The following ENDOV variants were observed in gnomAD, a reference collection of about 807,000 sequenced individuals.
ENDOV encodes hEndoV.
A neutral mutation model predicts 39.4 loss-of-function variants in ENDOV; 37 were observed. The ratio of observed to expected loss-of-function variants is 0.94; its 90% confidence interval spans 0.72 to 1.23. The LOEUF is 1.23. ENDOV is among the 50% of genes most tolerant of loss of function. ENDOV has a pLI of 0.00. For missense variants in ENDOV, 441 were observed against 375.7 expected (o/e 1.17, Z -1.44); for synonymous variants, 186 against 163.4 (o/e 1.14, Z -1.05).
At chr17:80,428,242 A>G (rs914127690) in intron 7 of ENDOV, among the ~76,000 whole-genome samples, 22 of 152,240 alleles carry the variant, frequency 1.4e-4, no homozygotes, top group African/African-American at 4.3e-4. Flanking sequence ...CAGAGCCTAC[A>G]GGGAAGCACA....
Position 80,421,859 on chromosome 17 carries a change from TCA to T in ENDOV, c.263_264del (p.Thr88SerfsTer152), listed in dbSNP as rs1182691977. On this transcript the variant is annotated frameshift_variant, in exon 3 of 10. Transcript: ENST00000518137. LOFTEE classifies it high-confidence loss of function. ...TATGAGGAGAGCCGCATGGTCAGCC[TCA>T]CAGCCCCCTACGTGTCGGGCTTCCT... The T allele has an allele frequency of 5.6e-6, 9 of 1,603,454 alleles. No homozygotes were observed. The highest frequency in any genetic ancestry group is 7.7e-6 in the Non-Finnish European group (9 of 1,175,704).
At chr17:80,432,255 C>G (rs1460305359) in intron 9 of ENDOV, among the ~76,000 whole-genome samples, 2 of 152,056 alleles carry the variant, frequency 1.3e-5, no homozygotes, top group South Asian at 2.1e-4. Flanking sequence ...CGGTACACTC[C>G]TAATAAATGG....
intron 2 of ENDOV, among the ~76,000 whole-genome samples, chr17:80,419,040 G>C (rs895939057): frequency 6.6e-6 from 1 of 151,998 alleles, no homozygotes; most frequent in Non-Finnish European, 1.5e-5. Flanking sequence ...GGGCATGGTG[G>C]CGGGCACCTG....
chr17:80,427,490 C>T (rs2082851729), intron 7 of ENDOV: 1 of 985,476 alleles, frequency 1.0e-6, no homozygotes, highest in Non-Finnish European at 1.2e-6. Context: ...AAAGAGCCTG[C>T]CAAATCCTGG....
At chr17:80,428,389 A>T (rs552600172) in intron 7 of ENDOV, 67 of 583,818 alleles carry the variant, frequency 1.1e-4, no homozygotes, top group African/African-American at 1.0e-3. Flanking sequence ...GAGAGCTGCC[A>T]TTGCGGGGCT....
At chr17:80,426,558 G>A (rs1159886427) in intron 7 of ENDOV, among the ~76,000 whole-genome samples, 1 of 152,230 alleles carries the variant, frequency 6.6e-6, no homozygotes, top group East Asian at 1.9e-4. Flanking sequence ...GGCTGAGGCG[G>A]GAGGATCACC....
chr17:80,429,744 T>C (rs1404107658), intron 8 of ENDOV, 29 bp from the exon 9 acceptor site: 1 of 1,586,772 alleles, frequency 6.3e-7, no homozygotes, highest in Admixed American at 1.8e-5. Context: ...TAGCATCTGA[T>C]GCTGTCCCTT....
rs1464839199 is a variant in ENDOV, at chr17:80,421,959, C to T, written c.360C>T (p.Pro120=). Residue 120 remains proline (P), a synonymous_variant, in exon 3 of 10, where the codon CCC becomes CCT. Transcript: ENST00000518137. ...GGGAGAAGGAGCCGGGCCTCATGCC[C>T]CAGGCAGGTGTCTCATCCCTAGGAC... ...QLREKEPGLM[P]QVLLVDGNGV... The T allele has an allele frequency of 3.1e-6, 5 of 1,608,264 alleles. No individual in the cohort carries two copies. The South Asian group carries it at 3.3e-5, about 11-fold the overall frequency.
chr17:80,415,500 AG>A, intron 1 of ENDOV, 149 bp from the exon 2 acceptor site: 1 of 1,143,910 alleles, frequency 8.7e-7, no homozygotes, highest in South Asian at 1.6e-5. Flanking sequence ...CTGGGCTCCT[AG>A]GGACTGTGGC....
chr17:80,416,710 C>CCCTTCCTTCCTT (rs765690073), intron 2 of ENDOV, among the ~76,000 whole-genome samples: 1 of 137,400 alleles, frequency 7.3e-6, no homozygotes, highest in Non-Finnish European at 1.5e-5. Context: ...CTCCCTCCCT[C>CCCTTCCTTCCTT]CCTTCCTTCC....
rs774049161 is a variant in ENDOV at position 80,425,039 on chromosome 17, T to C, written c.524T>C (p.Leu175Pro). 5 of 1,612,450 alleles carry C rather than the reference T, an allele frequency of 3.1e-6. No individual in the cohort carries two copies. Among genetic ancestry groups the C allele is most frequent in the Non-Finnish European group, 4.2e-6 (5 of 1,179,356 alleles). ...TTTCCCTCCATTTTCCAGATCCGAC[T>C]CCTGCAGACTCGAGGAGACTCATTC... ...NNALHKEKIR[L>P]LQTRGDSFPL... Residue 175 changes from leucine (L) to proline (P), a missense_variant, in exon 6 of 10, where the codon CTC (leucine) becomes CCC (proline). Leu to Pro is a moderately conservative substitution (Grantham distance 98). Coordinates refer to ENST00000518137, the MANE Select transcript of ENDOV (RefSeq NM_173627.5).
chr17:80,427,475 C>T (rs1462041822), intron 7 of ENDOV: 1 of 985,456 alleles, frequency 1.0e-6, no homozygotes, highest in Non-Finnish European at 1.2e-6. Flanking sequence ...GTGCCTAGCA[C>T]CAGCAAAGAG....
At chr17:80,435,991 GC>G in intron 9 of ENDOV, 141 bp from the exon 10 acceptor site, 5 of 898,694 alleles carry the variant, frequency 5.6e-6, no homozygotes, top group Non-Finnish European at 8.7e-6. Flanking sequence ...CTGGGCTCAA[GC>G]TTTCCTCCCA....
At chr17:80,420,877 A>AT (rs2081916403) in intron 2 of ENDOV, among the ~76,000 whole-genome samples, 1 of 152,088 alleles carries the variant, frequency 6.6e-6, no homozygotes, top group Admixed American at 6.5e-5. Flanking sequence ...GGGTTTCTCC[A>AT]TGTTGGTCAG....
intron 7 of ENDOV, among the ~76,000 whole-genome samples, chr17:80,426,557 G>A (rs1192888204): frequency 2.6e-5 from 4 of 152,192 alleles, no homozygotes; most frequent in South Asian, 2.1e-4. Flanking sequence ...AGGCTGAGGC[G>A]GGAGGATCAC....
At chr17:80,422,295 G>T (rs567611139) in intron 4 of ENDOV, 50 bp downstream of exon 4, 6 of 1,600,442 alleles carry the variant, frequency 3.7e-6, no homozygotes, top group South Asian at 3.3e-5. Flanking sequence ...GAAGAGCGGG[G>T]GGAGAGGGCA....
At position 80,436,677 on chromosome 17, in the gene ENDOV, G is replaced by A. The variant is rs563649406; in HGVS notation, c.*534G>A. Reference sequence around the variant, plus strand: ...ATGTGATTTGCTTGTATTTTGGTGCGGATTTTTACATCTGTATTTATAAGG... The same window carrying A: ...ATGTGATTTGCTTGTATTTTGGTGCAGATTTTTACATCTGTATTTATAAGG... On this transcript the variant is annotated 3_prime_UTR_variant, in exon 10 of 10. Transcript: ENST00000518137. 5.3e-5 allele frequency: 10 copies of A among 189,762 alleles called. No individual in the cohort carries two copies. Among genetic ancestry groups the A allele is most frequent in the South Asian group, 1.1e-4 (1 of 9,146 alleles). 11.8% of individuals were successfully genotyped at this position (189,762 alleles called of 1,614,324 possible).
chr17:80,416,145 G>A (rs1366607281), intron 2 of ENDOV: 1 of 211,166 alleles, frequency 4.7e-6, no homozygotes, highest in African/African-American at 2.4e-5. Flanking sequence ...GCTGAGGCGG[G>A]AGAATCGCTT....
intron 9 of ENDOV, among the ~76,000 whole-genome samples, chr17:80,431,759 C>T (rs1390837037): frequency 1.3e-5 from 2 of 152,214 alleles, no homozygotes; most frequent in Admixed American, 1.3e-4. Context: ...AGAGGAATCT[C>T]TGCCCTTCCC....
Sources: gnomAD v4.1 joint callset for allele counts (sites outside exome capture counted in the v4.1 genomes callset) on GRCh38, gnomAD v4.1.1 for gene constraint, MANE v1.5 for transcripts, NCBI Gene and HGNC (gene_info 2026-07-23, HGNC 2026-07-21) for gene names.